BEND7: variants seen among roughly 807,000 people sequenced by gnomAD.
The protein encoded by BEND7 is BEN domain containing 7.
In BEND7, 28 loss-of-function variants were observed where a neutral mutation model predicts 50.9. The observed-to-expected ratio is 0.55, with a 90% CI of 0.41 to 0.75. BEND7 has a LOEUF of 0.75. BEND7 is among the 30% of genes least tolerant of loss of function. The pLI is 0.00. For missense variants in BEND7, 477 were observed against 491.3 expected (o/e 0.97, Z 0.28); for synonymous variants, 170 against 183.9 (o/e 0.92, Z 0.61).
chr10:13,439,050 G>T, downstream of BEND7: 1 of 957,182 alleles, frequency 1.0e-6, no homozygotes. Context: ...GGGCAAAGGG[G>T]AGAGAGGGCA....
Position 13,442,474 on chromosome 10 carries a change from TA to T in BEND7, c.1235-725del, listed in dbSNP as rs567626345. ...CTTATTAGAGAAAGAAATCTGGAGG[TA>T]AATATTTCTATAAAACAAATACCTT... On this transcript the variant is annotated intron_variant, in intron 8 of 8. Coordinates refer to ENST00000466271, the MANE Select transcript of BEND7 (RefSeq NM_001369863.1). 11 of 152,250 alleles carry T rather than the reference TA, an allele frequency of 7.2e-5. No homozygotes were observed. In the East Asian group the frequency reaches 1.9e-3, roughly 27 times the overall value. The allele number at this position is 152,250 out of a possible 1,614,324, so 9.4% of individuals were successfully genotyped here.
chr10:13,454,099 C>G (rs530527410), intron 6 of BEND7, among the ~76,000 whole-genome samples: 1 of 152,154 alleles, frequency 6.6e-6, no homozygotes, highest in Non-Finnish European at 1.5e-5. Context: ...GAGCTAGTGA[C>G]GCGTCTAGGG....
Position 13,528,617 on chromosome 10 carries a change from G to A in BEND7, c.-84C>T. On this transcript the variant is annotated 5_prime_UTR_variant, in exon 1 of 9. Transcript: ENST00000466271. ...CGGCGGCAGCGGCAGCGGCGGCGCG[G>A]GCTCGTGTCACCGCGGCGGAGCCGC... 3 of 742,952 alleles carry A rather than the reference G, an allele frequency of 4.0e-6. No homozygotes were observed. The highest frequency in any genetic ancestry group is 4.9e-6 in the Non-Finnish European group (3 of 610,494). The allele number at this position is 742,952 out of a possible 1,614,324, so 46.0% of individuals were successfully genotyped here. A position where few individuals can be genotyped will look rare whatever the true frequency, so the allele number is the denominator to read the frequency against.
At chr10:13,467,756 A>G (rs986094228) in intron 6 of BEND7, among the ~76,000 whole-genome samples, 2 of 152,180 alleles carry the variant, frequency 1.3e-5, no homozygotes, top group East Asian at 3.8e-4. Context: ...TACGTATCCA[A>G]TGTGGGAGTG....
chr10:13,469,775 G>C (rs566433128), intron 6 of BEND7, among the ~76,000 whole-genome samples: 1 of 152,086 alleles, frequency 6.6e-6, no homozygotes, highest in Non-Finnish European at 1.5e-5. Context: ...GTGCCCAGCC[G>C]AAAGTTATGA....
At chr10:13,499,579 C>A (rs1554780924) in intron 3 of BEND7, among the ~76,000 whole-genome samples, 199 bp downstream of exon 3, 1 of 152,124 alleles carries the variant, frequency 6.6e-6, no homozygotes, top group Non-Finnish European at 1.5e-5. Context: ...ATAGAACCCC[C>A]TGTCTTTCCT....
chr10:13,448,221 C>G (rs909415545), intron 7 of BEND7, among the ~76,000 whole-genome samples: 1 of 151,758 alleles, frequency 6.6e-6, no homozygotes, highest in African/African-American at 2.4e-5. Flanking sequence ...CTGTTACATG[C>G]GAAAAAAAAG....
At chr10:13,475,753 T>C (rs1187012016) in intron 6 of BEND7, among the ~76,000 whole-genome samples, 1 of 152,252 alleles carries the variant, frequency 6.6e-6, no homozygotes, top group Non-Finnish European at 1.5e-5. Context: ...AACATCTTTC[T>C]TTCTTTTCAA....
chr10:13,528,629 C>T lies in BEND7; in HGVS notation c.-96G>A. ...CAGCGGCGGCGCGGGCTCGTGTCAC[C>T]GCGGCGGAGCCGCCGGGACCAAGGT... is the stretch of plus-strand genomic sequence containing the variant. On this transcript the variant is annotated 5_prime_UTR_variant, in exon 1 of 9. Transcript: ENST00000466271. 5 of 644,842 alleles carry T rather than the reference C, an allele frequency of 7.8e-6. No homozygotes were observed. Among genetic ancestry groups the T allele is most frequent in the Non-Finnish European group, 9.6e-6 (5 of 522,678 alleles). 39.9% of individuals were successfully genotyped at this position (644,842 alleles called of 1,614,324 possible).
Position 13,441,422 on chromosome 10 carries a change from T to C in BEND7, c.*321A>G, listed in dbSNP as rs1835304629. The C allele has an allele frequency of 8.6e-7, 1 of 1,167,726 alleles. No individual in the cohort carries two copies. The highest frequency in any genetic ancestry group is 1.6e-5 in the African/African-American group (1 of 63,080). The allele number at this position is 1,167,726 out of a possible 1,614,324, so 72.3% of individuals were successfully genotyped here. On this transcript the variant is annotated 3_prime_UTR_variant, in exon 9 of 9. Coordinates refer to ENST00000466271, the MANE Select transcript of BEND7 (RefSeq NM_001369863.1). Reference sequence around the variant, plus strand: ...TGCTGTTGCAGTTTTGATACGTATTTCCAGTGTGTAGATCCGTTCATCGCA... The same window carrying C: ...TGCTGTTGCAGTTTTGATACGTATTCCCAGTGTGTAGATCCGTTCATCGCA...
intron 5 of BEND7, among the ~76,000 whole-genome samples, chr10:13,481,951 C>T (rs759308520): frequency 3.9e-5 from 6 of 152,246 alleles, no homozygotes; most frequent in Non-Finnish European, 8.8e-5. Context: ...AGGAGGTTTA[C>T]AGCTCACCTT....
chr10:13,459,054 C>T (rs1467680056), intron 6 of BEND7, among the ~76,000 whole-genome samples: 1 of 152,202 alleles, frequency 6.6e-6, no homozygotes, highest in East Asian at 1.9e-4. Flanking sequence ...TTATTTTCCA[C>T]ATAAATGACT....
chr10:13,492,861 C>G lies in BEND7; in HGVS notation c.587G>C (p.Arg196Thr), dbSNP rs1372768744. The G allele has an allele frequency of 1.1e-5, 18 of 1,599,698 alleles. No individual in the cohort carries two copies. The highest frequency in any genetic ancestry group is 1.5e-5 in the Non-Finnish European group (18 of 1,176,844). ...TATAAGGGAAATTGGAGGTTGTTGT[C>G]TGTTTTGAGTTCCAACTGCGAATAA... ...MQIQAVGTQN[R>T]QQPPISLICS... Residue 196 changes from arginine (R) to threonine (T), a missense_variant, in exon 5 of 9, where the codon AGA (arginine) becomes ACA (threonine). Physicochemically the swap from Arg to Thr is moderately conservative, Grantham distance 71. Coordinates refer to ENST00000466271, the MANE Select transcript of BEND7 (RefSeq NM_001369863.1).
chr10:13,465,553 A>C (rs377546300), intron 6 of BEND7, among the ~76,000 whole-genome samples: 1 of 152,298 alleles, frequency 6.6e-6, no homozygotes, highest in East Asian at 1.9e-4. Context: ...GGCCCTAGAT[A>C]TCCATAAAAC....
intron 6 of BEND7, among the ~76,000 whole-genome samples, chr10:13,468,735 A>G (rs2074504179): frequency 6.6e-6 from 1 of 152,204 alleles, no homozygotes; most frequent in African/African-American, 2.4e-5. Flanking sequence ...GGAGGGACAA[A>G]AGGAGTTGAT....
At chr10:13,463,256 C>T (rs540755565) in intron 6 of BEND7, among the ~76,000 whole-genome samples, 8 of 152,248 alleles carry the variant, frequency 5.3e-5, no homozygotes, top group African/African-American at 1.9e-4. Flanking sequence ...TGGTTCAGCC[C>T]ATTTATGGGT....
intron 6 of BEND7, among the ~76,000 whole-genome samples, chr10:13,460,339 T>C (rs900188908): frequency 8.5e-5 from 13 of 152,302 alleles, no homozygotes; most frequent in Middle Eastern, 3.4e-3. Flanking sequence ...CCACGAGACA[T>C]CTTTTTCCTA....
chr10:13,470,360 T>C (rs1026408672), intron 6 of BEND7, among the ~76,000 whole-genome samples: 6 of 152,240 alleles, frequency 3.9e-5, no homozygotes, highest in African/African-American at 1.4e-4. Flanking sequence ...GCAATGCACA[T>C]TCTACTGTAG....
chr10:13,463,836 A>G (rs1348018413), intron 6 of BEND7, among the ~76,000 whole-genome samples: 1 of 152,216 alleles, frequency 6.6e-6, no homozygotes, highest in Non-Finnish European at 1.5e-5. Context: ...TGACAAAAAA[A>G]CTCCAGTAAG....
Sources: gnomAD v4.1 joint callset for allele counts (sites outside exome capture counted in the v4.1 genomes callset) on GRCh38, gnomAD v4.1.1 for gene constraint, MANE v1.5 for transcripts, NCBI Gene and HGNC (gene_info 2026-07-23, HGNC 2026-07-21) for gene names.